Variants in AIM2 observed in about 807,000 individuals in gnomAD.
AIM2 encodes the protein interferon-inducible protein AIM2.
A neutral mutation model predicts 27.7 loss-of-function variants in AIM2; 30 were observed. The ratio of observed to expected loss-of-function variants is 1.08; its 90% confidence interval spans 0.81 to 1.47. The LOEUF is 1.47. Ranked by LOEUF, AIM2 falls within the 40% of genes most tolerant of loss-of-function variation. The pLI is 0.00. For synonymous variants in AIM2, 141 were observed against 145.3 expected (o/e 0.97, Z 0.21); for missense variants, 358 against 411.3 (o/e 0.87, Z 1.12).
At chr1:159,138,445 C>G (rs1570985456) in intron 1 of AIM2, among the ~76,000 whole-genome samples, 1 of 152,336 alleles carries the variant, frequency 6.6e-6, no homozygotes, top group African/African-American at 2.4e-5. Context: ...CATCACTCTC[C>G]ATCCCCAAGC....
intron 1 of AIM2, among the ~76,000 whole-genome samples, chr1:159,102,724 G>A (rs973812722): frequency 6.6e-6 from 1 of 152,194 alleles, no homozygotes; most frequent in Non-Finnish European, 1.5e-5. Context: ...GCCTTGCATG[G>A]GGCCTGTAGC....
chr1:159,058,653 G>T (rs986528184), downstream of AIM2, among the ~76,000 whole-genome samples: 1 of 152,100 alleles, frequency 6.6e-6, no homozygotes, highest in Non-Finnish European at 1.5e-5. Flanking sequence ...GAAAGGAGAG[G>T]GAAAAAGATT....
At position 159,065,941 on chromosome 1, in the gene AIM2, G is replaced by C. The variant is rs117176165; in HGVS notation, c.785C>G (p.Thr262Arg). ...INTLQTQPLG[T>R]IVNGLFVVQK... ...GACTACAAACAAACCATTCACAATTGTTCCAAGGGGCTGAGTTTGAAGCGT... is the reference window on the plus strand; with the variant it reads ...GACTACAAACAAACCATTCACAATTCTTCCAAGGGGCTGAGTTTGAAGCGT... The change falls in exon 4 of 6, where the codon ACA (threonine) becomes AGA (arginine). Residue 262 changes from threonine (T) to arginine (R), a missense_variant. By Grantham distance (71) the Thr-to-Arg change is moderately conservative (BLOSUM62 -1). Coordinates refer to ENST00000368130, the MANE Select transcript of AIM2 (RefSeq NM_004833.3). 3.0e-5 allele frequency: 48 copies of C among 1,613,416 alleles called. No homozygotes were observed. In the East Asian group the frequency reaches 7.8e-4, roughly 26 times the overall value.
At chr1:159,069,578 C>T (rs564714273) in intron 2 of AIM2, among the ~76,000 whole-genome samples, 4 of 151,486 alleles carry the variant, frequency 2.6e-5, no homozygotes, top group African/African-American at 9.7e-5. Context: ...AGTCTCACTC[C>T]GTCACCCAAG....
At chr1:159,057,425 G>T in the AIM2 span, among the ~76,000 whole-genome samples, 1 of 152,218 alleles carries the variant, frequency 6.6e-6, no homozygotes, top group East Asian at 1.9e-4. Context: ...TACAGTTAAT[G>T]CTTGCTAGGA....
chr1:159,059,177 ATG>A (rs1391692906), downstream of AIM2, among the ~76,000 whole-genome samples: 5 of 152,178 alleles, frequency 3.3e-5, no homozygotes, highest in African/African-American at 1.2e-4. Flanking sequence ...CTTTCTGCTT[ATG>A]TGTCTTTCAT....
chr1:159,084,231 A>C (rs746458948), intron 1 of AIM2, among the ~76,000 whole-genome samples: 5 of 152,162 alleles, frequency 3.3e-5, no homozygotes, highest in Non-Finnish European at 5.9e-5. Context: ...ATATTTGTAC[A>C]TAATTTATAT....
chr1:159,066,400 A>G (rs2101968310), intron 3 of AIM2, 71 bp from the exon 4 acceptor site: 1 of 1,473,302 alleles, frequency 6.8e-7, no homozygotes. Flanking sequence ...TACTTCACCT[A>G]CAGTGCTAAA....
At chr1:159,124,036 CTG>C (rs1647612505) in intron 1 of AIM2, among the ~76,000 whole-genome samples, 1 of 152,180 alleles carries the variant, frequency 6.6e-6, no homozygotes. Context: ...CATTCCGTAT[CTG>C]TCTCTTTCTC....
At chr1:159,115,775 A>G (rs1292157938) in intron 1 of AIM2, among the ~76,000 whole-genome samples, 5 of 152,344 alleles carry the variant, frequency 3.3e-5, no homozygotes, top group Non-Finnish European at 5.9e-5. Context: ...GGCATGGGCA[A>G]GGATTTCATG....
intron 1 of AIM2, among the ~76,000 whole-genome samples, chr1:159,086,494 C>T (rs369048532): frequency 3.3e-5 from 5 of 152,366 alleles, no homozygotes; most frequent in South Asian, 2.1e-4. Context: ...GCACATACCT[C>T]GCCCTCTACT....
At chr1:159,065,828 A>G (rs1656064824) in intron 4 of AIM2, 82 bp downstream of exon 4, 2 of 1,424,750 alleles carry the variant, frequency 1.4e-6, no homozygotes, top group Admixed American at 4.8e-5. Flanking sequence ...AGACATTAAA[A>G]CCATTTCCAA....
chr1:159,072,914 A>G (rs1427791835), intron 2 of AIM2, among the ~76,000 whole-genome samples: 1 of 152,214 alleles, frequency 6.6e-6, no homozygotes, highest in East Asian at 1.9e-4. Context: ...AGTTGGGAGA[A>G]GTTAACTTTG....
chr1:159,080,179 A>G (rs1656742823), upstream of AIM2, among the ~76,000 whole-genome samples: 1 of 152,214 alleles, frequency 6.6e-6, no homozygotes, highest in African/African-American at 2.4e-5. Flanking sequence ...TAATTTTTCA[A>G]CTTTGGGTAA....
At chr1:159,131,161 C>T (rs1433069689) in intron 1 of AIM2, among the ~76,000 whole-genome samples, 1 of 152,082 alleles carries the variant, frequency 6.6e-6, no homozygotes, top group Non-Finnish European at 1.5e-5. Context: ...AGTTTAAGAC[C>T]CAGAACCATG....
chr1:159,078,529 C>T (rs564757561), upstream of AIM2, among the ~76,000 whole-genome samples: 10 of 152,190 alleles, frequency 6.6e-5, no homozygotes, highest in African/African-American at 9.7e-5. Flanking sequence ...CCCAGAGAGG[C>T]GTACTGATTT....
intron 1 of AIM2, among the ~76,000 whole-genome samples, chr1:159,123,228 C>A (rs140127591): frequency 1.7e-4 from 26 of 152,230 alleles, no homozygotes; most frequent in Admixed American, 3.9e-4. Context: ...AAAAAAAATA[C>A]TCTCTGCATT....
At chr1:159,094,867 A>G (rs560672246) in intron 1 of AIM2, among the ~76,000 whole-genome samples, 1 of 152,298 alleles carries the variant, frequency 6.6e-6, no homozygotes, top group South Asian at 2.1e-4. Flanking sequence ...TTGTATGTCT[A>G]ATTTATTTGG....
At chr1:159,103,065 C>T (rs567241367) in intron 1 of AIM2, among the ~76,000 whole-genome samples, 1 of 152,140 alleles carries the variant, frequency 6.6e-6, no homozygotes, top group Non-Finnish European at 1.5e-5. Context: ...TCCCACATGT[C>T]GTGGGAGGCA....
Sources: gnomAD v4.1 joint callset for allele counts (sites outside exome capture counted in the v4.1 genomes callset) on GRCh38, gnomAD v4.1.1 for gene constraint, MANE v1.5 for transcripts, NCBI Gene and HGNC (gene_info 2026-07-23, HGNC 2026-07-21) for gene names.